GRIN2A: variants seen among roughly 807,000 people sequenced by gnomAD.
GRIN2A encodes the protein glutamate receptor ionotropic, NMDA 2A.
In GRIN2A, 22 loss-of-function variants were observed where a neutral mutation model predicts 113.4. That is an observed-to-expected ratio of 0.19 (90% CI 0.14 to 0.28). The LOEUF (loss-of-function observed/expected upper bound fraction) is 0.28. Among genes scored for constraint, GRIN2A ranks in the 10% least tolerant of loss-of-function variants. GRIN2A has a pLI of 1.00. For synonymous variants in GRIN2A, 827 were observed against 738.4 expected, an observed-to-expected ratio of 1.12 and a Z score of -1.94; for missense variants, 1,502 against 1,887.0, an observed-to-expected ratio of 0.80 and a Z score of 3.78.
chr16:9,844,006 G>A (rs754290539), intron 5 of GRIN2A, among the ~76,000 whole-genome samples: 1 of 151,968 alleles, frequency 6.6e-6, no homozygotes, highest in Admixed American at 6.6e-5. Flanking sequence ...CTTTCTGGTC[G>A]CTGTTGGCCA....
chr16:9,994,997 A>G (rs1345092626), intron 2 of GRIN2A, among the ~76,000 whole-genome samples: 4 of 152,222 alleles, frequency 2.6e-5, no homozygotes, highest in African/African-American at 7.2e-5. Context: ...TGACTCGGTC[A>G]AACAGACACC....
At chr16:9,819,338 C>T (rs567401937) in intron 10 of GRIN2A, among the ~76,000 whole-genome samples, 5 of 151,640 alleles carry the variant, frequency 3.3e-5, no homozygotes, top group Non-Finnish European at 7.4e-5. Context: ...CTGGGTAACA[C>T]GGCAAAACCT....
intron 4 of GRIN2A, among the ~76,000 whole-genome samples, chr16:9,854,406 A>G (rs892826220): frequency 6.6e-6 from 1 of 152,184 alleles, no homozygotes; most frequent in Non-Finnish European, 1.5e-5. Context: ...TCCAGCCACC[A>G]GAGTATTCAG....
intron 11 of GRIN2A, chr16:9,769,340 G>C: frequency 5.3e-6 from 1 of 186,986 alleles, no homozygotes; most frequent in Non-Finnish European, 1.1e-5. Context: ...TATATAGAGA[G>C]AGAGTATAGC....
In GRIN2A at chr16:9,818,391, T is replaced by C. The variant is rs191141978; in HGVS notation, c.2168+3873A>G. On this transcript the variant is annotated intron_variant, in intron 10 of 12. Transcript: ENST00000330684. The stretch of plus-strand genomic sequence containing the variant: ...AAGAAAACACGAGGTAATTATCTTG[T>C]AATAAAGAATGATGAAAGACTTTTG... Among the ~76,000 whole-genome samples, 676 of 150,758 alleles carry C rather than the reference T, an allele frequency of 4.5e-3. 5 individuals are homozygous for C. Among genetic ancestry groups the C allele is most frequent in the African/African-American group, 0.016 (636 of 40,974 alleles).
Position 10,095,480 on chromosome 16 carries a change from T to A in GRIN2A, c.414+84518A>T, listed in dbSNP as rs1376981393. On this transcript the variant is annotated intron_variant, in intron 2 of 12. Coordinates refer to ENST00000330684, the MANE Select transcript of GRIN2A (RefSeq NM_001134407.3). ...AAAGTATAAAAGTAAAAATAAATGT[T>A]CTTCCTTATAGCAGAACACTAGTAA... 3.3e-5 allele frequency among the ~76,000 whole-genome samples: 5 copies of A among 152,194 alleles called. No homozygotes were observed. The East Asian group carries it at 9.6e-4, about 29-fold the overall frequency.
intron 2 of GRIN2A, among the ~76,000 whole-genome samples, chr16:9,950,384 T>G (rs2045149178): frequency 6.6e-6 from 1 of 152,090 alleles, no homozygotes; most frequent in Non-Finnish European, 1.5e-5. Context: ...TCATGGTTAC[T>G]TGAGGCCCTA....
intron 2 of GRIN2A, among the ~76,000 whole-genome samples, chr16:10,120,041 C>T (rs2048805287): frequency 6.6e-6 from 1 of 152,172 alleles, no homozygotes; most frequent in Non-Finnish European, 1.5e-5. Context: ...CTGCAGAATA[C>T]ATATGTATGC....
intron 2 of GRIN2A, among the ~76,000 whole-genome samples, chr16:9,990,081 C>T (rs576880246): frequency 1.9e-4 from 29 of 152,302 alleles, no homozygotes; most frequent in African/African-American, 6.7e-4. Flanking sequence ...CCCCTGCACT[C>T]ATATGTTTAT....
At chr16:9,811,525 G>C (rs776018780) in intron 10 of GRIN2A, among the ~76,000 whole-genome samples, 1 of 152,144 alleles carries the variant, frequency 6.6e-6, no homozygotes, top group Non-Finnish European at 1.5e-5. Flanking sequence ...TTGGGAGGCC[G>C]AGACAGGCGG....
At chr16:10,159,315 G>A (rs2049765680) in intron 2 of GRIN2A, among the ~76,000 whole-genome samples, 1 of 152,148 alleles carries the variant, frequency 6.6e-6, no homozygotes, top group South Asian at 2.1e-4. Context: ...GACAGGCCTG[G>A]GCAGGTTCAG....
intron 2 of GRIN2A, among the ~76,000 whole-genome samples, chr16:10,155,167 C>A (rs939215715): frequency 1.3e-5 from 2 of 152,136 alleles, no homozygotes; most frequent in Non-Finnish European, 2.9e-5. Flanking sequence ...GAGCAAACTG[C>A]AAAATGAGGA....
At chr16:10,176,296 C>T (rs376542285) in intron 2 of GRIN2A, among the ~76,000 whole-genome samples, 3 of 152,142 alleles carry the variant, frequency 2.0e-5, no homozygotes, top group East Asian at 1.9e-4. Flanking sequence ...TGAACCACCT[C>T]GCTCAGCCTT....
intron 2 of GRIN2A, among the ~76,000 whole-genome samples, chr16:10,154,058 G>T (rs539389916): frequency 6.6e-6 from 1 of 152,076 alleles, no homozygotes; most frequent in African/African-American, 2.4e-5. Flanking sequence ...TTTTCCTCTC[G>T]TTCCAGGCAC....
chr16:9,936,119 A>G (rs1567185740), intron 3 of GRIN2A, among the ~76,000 whole-genome samples: 1 of 152,208 alleles, frequency 6.6e-6, no homozygotes, highest in African/African-American at 2.4e-5. Flanking sequence ...CTCAATGAAT[A>G]TGACAATCTC....
At chr16:9,926,505 G>A (rs990111922) in intron 3 of GRIN2A, among the ~76,000 whole-genome samples, 2 of 152,186 alleles carry the variant, frequency 1.3e-5, no homozygotes, top group Non-Finnish European at 2.9e-5. Context: ...CACACTTCCA[G>A]TTGTGCTAAC....
chr16:9,934,522 A>G (rs1349939456), intron 3 of GRIN2A, among the ~76,000 whole-genome samples: 1 of 151,930 alleles, frequency 6.6e-6, no homozygotes, highest in Non-Finnish European at 1.5e-5. Context: ...CTCTACTAAA[A>G]ATACAAAAAT....
At chr16:9,821,054 C>T (rs1227378170) in intron 10 of GRIN2A, among the ~76,000 whole-genome samples, 1 of 152,044 alleles carries the variant, frequency 6.6e-6, no homozygotes, top group Non-Finnish European at 1.5e-5. Context: ...GGCTTTGATG[C>T]TTTAGAGGGG....
chr16:9,900,431 G>C (rs7200835), intron 3 of GRIN2A, among the ~76,000 whole-genome samples: 49,127 of 152,076 alleles, frequency 0.32, 9,937 homozygotes, highest in African/African-American at 0.58. Context: ...TCCTTAAGGA[G>C]AGGACCCTAT....
Sources: gnomAD v4.1 joint callset for allele counts (sites outside exome capture counted in the v4.1 genomes callset) on GRCh38, gnomAD v4.1.1 for gene constraint, MANE v1.5 for transcripts, NCBI Gene and HGNC (gene_info 2026-07-23, HGNC 2026-07-21) for gene names.